Variants in RAP1B observed in about 807,000 individuals in gnomAD.
RAP1B encodes the protein ras-related protein Rap-1b.
RAP1B carries 1 observed loss-of-function variant against 27.5 expected under a neutral mutation model. The ratio of observed to expected loss-of-function variants is 0.04; its 90% CI spans 0.01 to 0.17. The LOEUF (loss-of-function observed/expected upper bound fraction) is 0.17. RAP1B is among the 10% of genes least tolerant of loss of function. RAP1B has a pLI of 1.00. For missense variants in RAP1B, 84 were observed against 214.8 expected, an observed-to-expected ratio of 0.39 and a Z score of 3.81; for synonymous variants, 75 against 73.1, an observed-to-expected ratio of 1.03 and a Z score of -0.13.
chr12:68,635,158 A>C lies in RAP1B; in HGVS notation c.-26-13541A>C, dbSNP rs7307188. On this transcript the variant is annotated intron_variant, in intron 1 of 7. Transcript: ENST00000250559. ...ATTTTAGCAGCTTTCTATTTATTTT[A>C]TAGTTCCTTGTTAGAAGTTTTATTT... Among the ~76,000 whole-genome samples, 1,391 of 152,310 alleles carry C rather than the reference A, an allele frequency of 9.1e-3. 11 individuals carry two copies. The highest frequency in any genetic ancestry group is 0.019 in the South Asian group (94 of 4,830).
chr12:68,648,393 C>T (rs1457775370), intron 1 of RAP1B, among the ~76,000 whole-genome samples: 1 of 152,202 alleles, frequency 6.6e-6, no homozygotes, highest in Non-Finnish European at 1.5e-5. Context: ...AAACCACAGA[C>T]AATACACAAA....
rs1874818863 is a variant in RAP1B at position 68,665,751 on chromosome 12, C to G, written c.*6502C>G. The G allele has an allele frequency of 6.6e-6, 1 of 152,020 alleles. No individual in the cohort carries two copies. Among genetic ancestry groups the G allele is most frequent in the African/African-American group, 2.4e-5 (1 of 41,366 alleles). The allele number at this position is 152,020 out of a possible 1,614,324, so 9.4% of individuals were successfully genotyped here. A position where few individuals can be genotyped will look rare whatever the true frequency, so the allele number is the denominator to read the frequency against. ...GATGATGGGATAGTTTTTGGAAATACCATCCTCTAATTAGTACCAGGTCTA... is the reference window on the plus strand; with the variant it reads ...GATGATGGGATAGTTTTTGGAAATAGCATCCTCTAATTAGTACCAGGTCTA... On this transcript the variant is annotated 3_prime_UTR_variant, in exon 8 of 8. Transcript: ENST00000250559.
At position 68,648,665 on chromosome 12, in the gene RAP1B, C is replaced by T. The variant is rs536463596; in HGVS notation, c.-26-34C>T. The T allele has an allele frequency of 3.5e-5, 51 of 1,458,928 alleles. No individual in the cohort carries two copies. In the Admixed American group the frequency reaches 6.7e-4, roughly 19 times the overall value. The allele number at this position is 1,458,928 out of a possible 1,614,324, so 90.4% of individuals were successfully genotyped here. On this transcript the variant is annotated intron_variant, in intron 1 of 7. Coordinates refer to ENST00000250559, the MANE Select transcript of RAP1B (RefSeq NM_001010942.3). ...AAAAGCACAGGAATACACAACTTTA[C>T]TTAGAATTCTTTTTTTTTTTTTCCT...
At chr12:68,650,580 A>G in intron 3 of RAP1B, 112 bp downstream of exon 3, 3 of 1,004,814 alleles carry the variant, frequency 3.0e-6, no homozygotes, top group Non-Finnish European at 4.0e-6. Context: ...TTAATTTATA[A>G]AATTAGTGGG....
At chr12:68,639,325 A>C (rs1446291141) in intron 1 of RAP1B, among the ~76,000 whole-genome samples, 1 of 152,044 alleles carries the variant, frequency 6.6e-6, no homozygotes, top group Non-Finnish European at 1.5e-5. Context: ...TTTGTAGACA[A>C]GGAATCTGGA....
chr12:68,632,209 C>T (rs1297845662), intron 1 of RAP1B, among the ~76,000 whole-genome samples: 1 of 148,514 alleles, frequency 6.7e-6, no homozygotes, highest in Non-Finnish European at 1.5e-5. Context: ...ACGGTCTCAG[C>T]TCACTGCAAC....
chr12:68,640,505 G>T (rs140232891), intron 1 of RAP1B, among the ~76,000 whole-genome samples: 84 of 152,156 alleles, frequency 5.5e-4, no homozygotes, highest in African/African-American at 2.0e-3. Flanking sequence ...GTCAAATATT[G>T]ATTGCTGTAT....
intron 1 of RAP1B, 21 bp from the exon 2 acceptor site, chr12:68,648,678 T>C: frequency 6.4e-7 from 1 of 1,554,404 alleles, no homozygotes; most frequent in Non-Finnish European, 8.8e-7. Context: ...AGAATTCTTT[T>C]TTTTTTTTTC....
Position 68,661,077 on chromosome 12 carries a change from G to A in RAP1B, c.*1828G>A, listed in dbSNP as rs1481923171. The A allele has an allele frequency of 6.6e-6, 1 of 152,070 alleles. No homozygotes were observed. Among genetic ancestry groups the A allele is most frequent in the Non-Finnish European group, 1.5e-5 (1 of 68,000 alleles). The allele number at this position is 152,070 out of a possible 1,614,324, so 9.4% of individuals were successfully genotyped here. ...TTTTTGAAAGTATTTGCCAGCTACTGGAGCAATTAATCAGTGATAATATCT... is the reference window on the plus strand; with the variant it reads ...TTTTTGAAAGTATTTGCCAGCTACTAGAGCAATTAATCAGTGATAATATCT... On this transcript the variant is annotated 3_prime_UTR_variant, in exon 8 of 8. Coordinates refer to ENST00000250559, the MANE Select transcript of RAP1B (RefSeq NM_001010942.3).
intron 1 of RAP1B, among the ~76,000 whole-genome samples, chr12:68,625,757 A>G (rs1011634925): frequency 6.6e-6 from 1 of 152,118 alleles, no homozygotes; most frequent in Admixed American, 6.6e-5. Context: ...CCCCGTCTCT[A>G]CTAAAAATAC....
Position 68,624,257 on chromosome 12 carries a change from T to A in RAP1B, c.-27+13214T>A, listed in dbSNP as rs184732016. Reference sequence around the variant, plus strand: ...ATCACCTCATTCTATAATTGCAGAGTCCAGTTAAATTTGGAAATAGTTAAG... The same window carrying A: ...ATCACCTCATTCTATAATTGCAGAGACCAGTTAAATTTGGAAATAGTTAAG... On this transcript the variant is annotated intron_variant, in intron 1 of 7. Transcript: ENST00000250559. 1.4e-3 allele frequency among the ~76,000 whole-genome samples: 214 copies of A among 152,186 alleles called. 2 individuals are homozygous for A. The highest frequency in any genetic ancestry group is 5.0e-3 in the African/African-American group (208 of 41,528).
chr12:68,653,622 G>A (rs7974224), intron 4 of RAP1B, among the ~76,000 whole-genome samples: 9,434 of 152,110 alleles, frequency 0.062, 727 homozygotes, highest in African/African-American at 0.19. Context: ...TTGGTGTATT[G>A]TTTTTAAATA....
intron 1 of RAP1B, among the ~76,000 whole-genome samples, chr12:68,630,667 T>C (rs1872168361): frequency 6.6e-6 from 1 of 152,040 alleles, no homozygotes; most frequent in Non-Finnish European, 1.5e-5. Context: ...TTTTGGGGTC[T>C]TTTTTGTTTT....
chr12:68,629,230 C>G lies in RAP1B; in HGVS notation c.-27+18187C>G, dbSNP rs141498492. 4.3e-3 allele frequency among the ~76,000 whole-genome samples: 662 copies of G among 152,302 alleles called. 2 individuals are homozygous for G. The highest frequency in any genetic ancestry group is 0.034 in the Middle Eastern group (10 of 294). On this transcript the variant is annotated intron_variant, in intron 1 of 7. Transcript: ENST00000250559. The stretch of plus-strand genomic sequence containing the variant: ...CTGAGCTCAAGCCATCTACCTACCC[C>G]AGCCTCTCAAAGTGCTAGGATTACA...
Position 68,663,620 on chromosome 12 carries a change from A to G in RAP1B, c.*4371A>G, listed in dbSNP as rs1408901575. 1 of 152,222 alleles carries G rather than the reference A, an allele frequency of 6.6e-6. No homozygotes were observed. The highest frequency in any genetic ancestry group is 1.5e-5 in the Non-Finnish European group (1 of 68,038). 9.4% of individuals were successfully genotyped at this position (152,222 alleles called of 1,614,324 possible). A position where few individuals can be genotyped will look rare whatever the true frequency, so the allele number is the denominator to read the frequency against. ...TTCTAAATGCTGCCATTTTTTAAAA[A>G]AAGTATTCCATGTTACACACATTTT... is the stretch of plus-strand genomic sequence containing the variant. On this transcript the variant is annotated 3_prime_UTR_variant, in exon 8 of 8. Coordinates refer to ENST00000250559, the MANE Select transcript of RAP1B (RefSeq NM_001010942.3).
intron 1 of RAP1B, among the ~76,000 whole-genome samples, chr12:68,615,515 G>A (rs1870920567): frequency 6.6e-6 from 1 of 151,752 alleles, no homozygotes; most frequent in Non-Finnish European, 1.5e-5. Flanking sequence ...CTTGAACCTG[G>A]GAGGCGGAGG....
intron 1 of RAP1B, among the ~76,000 whole-genome samples, chr12:68,634,920 A>G (rs939087350): frequency 6.6e-6 from 1 of 152,160 alleles, no homozygotes; most frequent in Non-Finnish European, 1.5e-5. Context: ...GGGCAAGGGA[A>G]TTTTTTTCTT....
intron 1 of RAP1B, among the ~76,000 whole-genome samples, chr12:68,617,582 A>T (rs1871117208): frequency 1.3e-5 from 2 of 152,234 alleles, no homozygotes; most frequent in Non-Finnish European, 2.9e-5. Flanking sequence ...AAAGAAGAAA[A>T]TGAGTATCAT....
intron 1 of RAP1B, chr12:68,627,180 T>C: frequency 6.4e-7 from 1 of 1,552,308 alleles, no homozygotes. Context: ...CATGCCTGTT[T>C]GGAACCTACA....
Sources: allele counts gnomAD v4.1 joint callset (sites outside exome capture counted in the v4.1 genomes callset), GRCh38; gene constraint gnomAD v4.1.1; transcripts MANE v1.5; gene names NCBI Gene and HGNC (gene_info 2026-07-23, HGNC 2026-07-21).